LINGO2: variants seen among roughly 807,000 people sequenced by gnomAD.
LINGO2 encodes the protein leucine rich repeat and Ig domain containing 2, also known as leucine-rich repeat and immunoglobulin-like domain-containing nogo receptor-interacting protein 2.
LINGO2 carries 14 observed loss-of-function variants against 30.6 expected under a neutral mutation model. The observed-to-expected ratio is 0.46, with a 90% confidence interval of 0.30 to 0.72. The LOEUF (loss-of-function observed/expected upper bound fraction) is 0.72. Ranked by LOEUF, LINGO2 falls within the 30% of genes least tolerant of loss-of-function variation. LINGO2 has a pLI of 0.07. For missense variants in LINGO2, 729 were observed against 751.7 expected, an observed-to-expected ratio of 0.97 and a Z score of 0.35; for synonymous variants, 317 against 288.5, an observed-to-expected ratio of 1.10 and a Z score of -1.00.
At chr9:28,683,758 T>C in the LINGO2 span, among the ~76,000 whole-genome samples, 1 of 152,204 alleles carries the variant, frequency 6.6e-6, no homozygotes, top group Non-Finnish European at 1.5e-5. Context: ...CATTCACTCA[T>C]TCAGCAGCTG....
At chr9:28,685,977 ATGTG>A in the LINGO2 span, among the ~76,000 whole-genome samples, 962 of 145,642 alleles carry the variant, frequency 6.6e-3, 5 homozygotes, top group African/African-American at 0.022. Context: ...AACATATATG[ATGTG>A]TGTGTGTGTG....
At position 28,479,911 on chromosome 9, in the gene LINGO2, G is replaced by A. The variant is rs1226434650; in HGVS notation, c.-364-3886C>T. 2.3e-3 allele frequency among the ~76,000 whole-genome samples: 112 copies of A among 49,738 alleles called. 2 individuals carry two copies. Among genetic ancestry groups the A allele is most frequent in the African/African-American group, 4.9e-3 (76 of 15,418 alleles). The allele number at this position is 49,738 out of a possible 152,430, so 32.6% of individuals were successfully genotyped here. ...TGTGTGTATGTGTATATATACGTAGGTATATATATATATATATATATATAT... is the reference window on the plus strand; with the variant it reads ...TGTGTGTATGTGTATATATACGTAGATATATATATATATATATATATATAT... On this transcript the variant is annotated intron_variant, in intron 1 of 5. Coordinates refer to ENST00000379992, the Ensembl canonical transcript of LINGO2.
chr9:28,317,101 T>C (rs1302582638), intron 3 of LINGO2, among the ~76,000 whole-genome samples: 1 of 152,196 alleles, frequency 6.6e-6, no homozygotes, highest in East Asian at 1.9e-4. Context: ...ATTAATGTAT[T>C]CCAATTATGT....
At chr9:28,809,440 G>C in the LINGO2 span, among the ~76,000 whole-genome samples, 2 of 152,100 alleles carry the variant, frequency 1.3e-5, no homozygotes, top group African/African-American at 4.8e-5. Context: ...CACTGCCTGG[G>C]TGATCTTTTA....
chr9:28,156,647 C>T (rs941359825), intron 4 of LINGO2, among the ~76,000 whole-genome samples: 10 of 152,208 alleles, frequency 6.6e-5, no homozygotes, highest in South Asian at 6.2e-4. Context: ...AAGTCTCATC[C>T]GAGACAAGAC....
At chr9:28,415,207 A>G (rs1462623620) in intron 2 of LINGO2, among the ~76,000 whole-genome samples, 1 of 152,092 alleles carries the variant, frequency 6.6e-6, no homozygotes, top group African/African-American at 2.4e-5. Context: ...TAGTTAAAAA[A>G]AGTTCACTCC....
the LINGO2 span, among the ~76,000 whole-genome samples, chr9:29,212,598 AT>A: frequency 2.0e-5 from 3 of 150,648 alleles, no homozygotes; most frequent in African/African-American, 4.9e-5. Context: ...GCTAATAAAA[AT>A]TTAAAAAAAA....
chr9:28,894,885 G>A, the LINGO2 span, among the ~76,000 whole-genome samples: 2 of 151,890 alleles, frequency 1.3e-5, no homozygotes, highest in Admixed American at 1.3e-4. Flanking sequence ...TAATATCTTA[G>A]TAATTTCAAG....
chr9:28,501,829 T>C (rs1053452923), intron 1 of LINGO2, among the ~76,000 whole-genome samples: 3 of 152,230 alleles, frequency 2.0e-5, no homozygotes, highest in Admixed American at 2.0e-4. Context: ...TGTAATTGAT[T>C]TAGAATGCAT....
At chr9:28,300,923 T>A (rs2134207265) in intron 3 of LINGO2, among the ~76,000 whole-genome samples, 1 of 151,308 alleles carries the variant, frequency 6.6e-6, no homozygotes, top group Admixed American at 6.6e-5. Context: ...ATTCATAAAT[T>A]GATCCTGATT....
upstream of LINGO2, among the ~76,000 whole-genome samples, chr9:28,674,301 T>A (rs1277895672): frequency 1.3e-5 from 2 of 152,182 alleles, no homozygotes; most frequent in African/African-American, 4.8e-5. Context: ...TACTTTAAAT[T>A]GATTCAAACT....
intron 4 of LINGO2, among the ~76,000 whole-genome samples, chr9:28,141,675 G>T (rs933849093): frequency 2.0e-5 from 3 of 152,116 alleles, no homozygotes; most frequent in African/African-American, 7.2e-5. Context: ...CCAGCACTTT[G>T]GGAGGCTGAG....
At chr9:29,045,323 A>G in the LINGO2 span, among the ~76,000 whole-genome samples, 4 of 152,136 alleles carry the variant, frequency 2.6e-5, no homozygotes, top group African/African-American at 4.8e-5. Flanking sequence ...GAAATGGTGG[A>G]CAAAAGGGGA....
intron 1 of LINGO2, among the ~76,000 whole-genome samples, chr9:28,489,892 G>A (rs1170730542): frequency 1.3e-5 from 1 of 79,268 alleles, no homozygotes; most frequent in Admixed American, 1.9e-4. Context: ...GCAAGACTTT[G>A]TCTCAAAAAA....
the LINGO2 span, among the ~76,000 whole-genome samples, chr9:29,173,213 T>TACTA: frequency 1.4e-4 from 21 of 152,050 alleles, no homozygotes; most frequent in African/African-American, 5.1e-4. Flanking sequence ...GTGTCCTGAC[T>TACTA]ACTATCCCAA....
chr9:28,645,793 T>A (rs1216465064), intron 1 of LINGO2, among the ~76,000 whole-genome samples: 1 of 152,110 alleles, frequency 6.6e-6, no homozygotes, highest in Non-Finnish European at 1.5e-5. Flanking sequence ...GTAAAGAGTG[T>A]GGCATGGAGC....
intron 1 of LINGO2, among the ~76,000 whole-genome samples, chr9:28,529,941 T>C (rs1366384347): frequency 1.3e-5 from 2 of 152,078 alleles, no homozygotes; most frequent in Non-Finnish European, 2.9e-5. Context: ...CCAACCTCTT[T>C]GGGAAGCAGA....
At chr9:28,724,684 T>C in the LINGO2 span, among the ~76,000 whole-genome samples, 17 of 152,142 alleles carry the variant, frequency 1.1e-4, no homozygotes, top group African/African-American at 3.9e-4. Context: ...CTGATGTGGG[T>C]TGGGAAAATT....
chr9:28,112,070 C>T (rs1826816149), intron 4 of LINGO2, among the ~76,000 whole-genome samples: 1 of 103,166 alleles, frequency 9.7e-6, no homozygotes, highest in Non-Finnish European at 2.0e-5. Flanking sequence ...TCCCCCGACC[C>T]CACCACAGTC....
Sources: allele counts gnomAD v4.1 joint callset (sites outside exome capture counted in the v4.1 genomes callset), GRCh38; gene constraint gnomAD v4.1.1; transcripts MANE v1.5; gene names NCBI Gene and HGNC (gene_info 2026-07-23, HGNC 2026-07-21).